PKD1: variants seen among roughly 807,000 people sequenced by gnomAD.
PKD1 encodes the protein polycystin-1.
A neutral mutation model predicts 361.7 loss-of-function variants in PKD1; 81 were observed. The ratio of observed to expected loss-of-function variants is 0.22; its 90% CI spans 0.19 to 0.27. PKD1 has a LOEUF of 0.27. Among genes scored for constraint, PKD1 ranks in the 10% least tolerant of loss-of-function variants. The pLI is 1.00. For missense variants in PKD1, 6,399 were observed against 6,118.3 expected (o/e 1.05, Z -1.53); for synonymous variants, 3,615 against 2,818.3 (o/e 1.28, Z -8.95).
chr16:2,089,916 C>T lies in PKD1; in HGVS notation c.12723G>A (p.Gln4241=). 3 of 1,611,990 alleles carry T rather than the reference C, an allele frequency of 1.9e-6. No homozygotes were observed. Among genetic ancestry groups the T allele is most frequent in the African/African-American group, 1.3e-5 (1 of 75,062 alleles). ...TGCGGCCTTGCAGGCTGTGCAGCTG[C>T]TGCTCCAGCTGGTAGACGTCCTCTG... is the stretch of plus-strand genomic sequence containing the variant. The part of the protein sequence containing the change: ...QATEDVYQLE[Q]QLHSLQGRRS... Residue 4241 remains glutamine (Q), a synonymous_variant, in exon 46 of 46, where the codon CAG becomes CAA. Coordinates refer to ENST00000262304, the MANE Select transcript of PKD1 (RefSeq NM_001009944.3).
chr16:2,127,824 T>C (rs571843174), intron 1 of PKD1, among the ~76,000 whole-genome samples: 7 of 150,004 alleles, frequency 4.7e-5, no homozygotes, highest in African/African-American at 9.8e-5. Context: ...AGGGCGCAAA[T>C]TCCCTACATC....
At chr16:2,113,885 G>C (rs970417939) in intron 11 of PKD1, 3 of 526,934 alleles carry the variant, frequency 5.7e-6, no homozygotes, top group Non-Finnish European at 3.4e-6. Flanking sequence ...GGGCGTGAGA[G>C]ACTCACGGGG....
At chr16:2,132,531 T>C (rs1343346528) in intron 1 of PKD1, among the ~76,000 whole-genome samples, 3 of 134,148 alleles carry the variant, frequency 2.2e-5, no homozygotes, top group Non-Finnish European at 3.1e-5. Context: ...GCTGAGATCA[T>C]GCCACTGCAC....
chr16:2,112,181 G>A (rs908386833), intron 14 of PKD1, among the ~76,000 whole-genome samples, 159 bp downstream of exon 14: 9 of 152,322 alleles, frequency 5.9e-5, no homozygotes, highest in Admixed American at 2.0e-4. Flanking sequence ...CCCCACGCCT[G>A]GCCCCTCCCT....
intron 1 of PKD1, among the ~76,000 whole-genome samples, chr16:2,126,821 G>A (rs1053887767): frequency 1.6e-4 from 25 of 152,262 alleles, no homozygotes; most frequent in African/African-American, 5.5e-4. Flanking sequence ...CCCACGAGCA[G>A]GGGGAGAGGC....
In PKD1 at chr16:2,102,244, C is replaced by G. The variant is rs1237165039; in HGVS notation, c.9214G>C (p.Asp3072His). 1 of 1,524,326 alleles carries G rather than the reference C, an allele frequency of 6.6e-7. No homozygotes were observed. Among genetic ancestry groups the G allele is most frequent in the South Asian group, 1.1e-5 (1 of 88,494 alleles). The allele number at this position is 1,524,326 out of a possible 1,614,324, so 94.4% of individuals were successfully genotyped here. ...GTCAGCATGACGATGTAGTTTACAT[C>G]CGCTGTCGGCTCCTGTGAGGACACA... ...VRFVFPEPTA[D>H]VNYIVMLTCA... Residue 3072 changes from aspartate (D) to histidine (H), a missense_variant, in exon 26 of 46, where the codon GAT becomes CAT. Physicochemically the swap from Asp to His is moderately conservative, Grantham distance 81. Coordinates refer to ENST00000262304, the MANE Select transcript of PKD1 (RefSeq NM_001009944.3).
In PKD1 at chr16:2,102,579, C is replaced by G. The variant is rs562222504; in HGVS notation, c.9003G>C (p.Trp3001Cys). Residue 3001 changes from tryptophan to cysteine, a missense_variant, in exon 25 of 46, where the codon TGG (tryptophan) becomes TGC (cysteine). Physicochemically the swap from Trp to Cys is radical, Grantham distance 215 (BLOSUM62 -2). Coordinates refer to ENST00000262304, the MANE Select transcript of PKD1 (RefSeq NM_001009944.3). Reference protein sequence around the residue: ...YHLNLSSHFRWSALQVSVGLY... With the variant: ...YHLNLSSHFRCSALQVSVGLY... ...GGCCCACGGACACCTGCAGCGCCGA[C>G]CAGCGGAAGTGGCTGGAGAGGTTCA... The G allele has an allele frequency of 6.2e-7, 1 of 1,611,230 alleles. No homozygotes were observed. The highest frequency in any genetic ancestry group is 2.2e-5 in the East Asian group (1 of 44,884).
Position 2,090,139 on chromosome 16 carries a change from C to T in PKD1, c.12500G>A (p.Arg4167Lys), listed in dbSNP as rs774316162. Residue 4167 changes from arginine (R) to lysine (K), a missense_variant, in exon 46 of 46, where the codon AGG becomes AAG. Arg to Lys is a conservative substitution (Grantham distance 26). Coordinates refer to ENST00000262304, the MANE Select transcript of PKD1 (RefSeq NM_001009944.3). ...GMEPLPSRSS[R>K]GSKVSPDVPP... Reference sequence around the variant, plus strand: ...CACATCCGGGGATACCTTGGAGCCCCTGGAGGAGCGAGAGGGCAGCGGCTC... The same window carrying T: ...CACATCCGGGGATACCTTGGAGCCCTTGGAGGAGCGAGAGGGCAGCGGCTC... 3 of 1,596,634 alleles carry T rather than the reference C, an allele frequency of 1.9e-6. No homozygotes were observed. In the South Asian group the frequency reaches 3.3e-5, roughly 18 times the overall value.
chr16:2,112,928 C>G lies in PKD1; in HGVS notation c.3021G>C (p.Val1007=). ...TCCGCTCCACGGTTACGTTGTAGTTCACGGTGACGTTGCTCACGTGGTTGG... is the reference window on the plus strand; with the variant it reads ...TCCGCTCCACGGTTACGTTGTAGTTGACGGTGACGTTGCTCACGTGGTTGG... ...TASNHVSNVT[V]NYNVTVERMN... The change falls in exon 13 of 46, where the codon GTG becomes GTC. Residue 1007 remains valine (V), a synonymous_variant. Coordinates refer to ENST00000262304, the MANE Select transcript of PKD1 (RefSeq NM_001009944.3). 6.2e-7 allele frequency: 1 copy of G among 1,604,332 alleles called. No homozygotes were observed. Among genetic ancestry groups the G allele is most frequent in the Non-Finnish European group, 8.5e-7 (1 of 1,179,756 alleles).
In PKD1 at chr16:2,100,421, C is replaced by G. The variant is rs2092047055; in HGVS notation, c.9543G>C (p.Lys3181Asn). The change falls in exon 27 of 46, where the codon AAG becomes AAC. Residue 3181 changes from lysine (K) to asparagine (N), a missense_variant. Physicochemically the swap from Lys to Asn is moderately conservative, Grantham distance 94. Coordinates refer to ENST00000262304, the MANE Select transcript of PKD1 (RefSeq NM_001009944.3). This position sits in a 1 kb window ranked among gnomAD's most constrained non-coding sequence, Gnocchi z 4.4. Reference protein sequence around the residue: ...ATPHSLGSVWKIRVWHDNKGL... With the variant: ...ATPHSLGSVWNIRVWHDNKGL... Reference sequence around the variant, plus strand: ...CTTTGTTGTCGTGCCACACTCGGATCTTCCACACGCTACCCAGGCTGTGCG... The same window carrying G: ...CTTTGTTGTCGTGCCACACTCGGATGTTCCACACGCTACCCAGGCTGTGCG... 1 of 1,611,282 alleles carries G rather than the reference C, an allele frequency of 6.2e-7. No homozygotes were observed.
chr16:2,100,275 G>T lies in PKD1; in HGVS notation c.9603C>A (p.Ile3201=), dbSNP rs773830030. 53 of 1,610,684 alleles carry T rather than the reference G, an allele frequency of 3.3e-5. No homozygotes were observed. The South Asian group carries it at 5.7e-4, about 17-fold the overall frequency. Residue 3201 remains isoleucine, a synonymous_variant, in exon 28 of 46, where the codon ATC becomes ATA. Coordinates refer to ENST00000262304, the MANE Select transcript of PKD1 (RefSeq NM_001009944.3). The surrounding 1 kb of genome is among the most constrained non-coding windows in gnomAD (Gnocchi z 4.4). ...TGCGTGCCGTCTGCAGGTCCCTGAC[G>T]ATGACGTGCTGCAGGAACCAGGCAG... The part of the protein sequence containing the change: ...LSPAWFLQHV[I]VRDLQTARSA...
rs2369068 is a variant in PKD1 at position 2,112,886 on chromosome 16, A to G, written c.3063T>C (p.Gly1021=). The G allele has an allele frequency of 0.11, 177,669 of 1,606,556 alleles. 15,703 individuals are homozygous for G. The highest frequency in any genetic ancestry group is 0.47 in the African/African-American group (34,781 of 74,784). ...CGGCCGGCACTGTGGAGACCTGCAGACCCTGCATCCTGTTCATCCGCTCCA... is the reference window on the plus strand; with the variant it reads ...CGGCCGGCACTGTGGAGACCTGCAGGCCCTGCATCCTGTTCATCCGCTCCA... ...VTVERMNRMQ[G]LQVSTVPAVL... The change falls in exon 13 of 46, where the codon GGT becomes GGC. Residue 1021 remains glycine, a synonymous_variant. Coordinates refer to ENST00000262304, the MANE Select transcript of PKD1 (RefSeq NM_001009944.3).
At position 2,111,287 on chromosome 16, in the gene PKD1, G is replaced by A; in HGVS notation, c.3880C>T (p.Leu1294=). 5 of 1,609,522 alleles carry A rather than the reference G, an allele frequency of 3.1e-6. No individual in the cohort carries two copies. The highest frequency in any genetic ancestry group is 1.7e-5 in the Admixed American group (1 of 59,970). The part of the protein sequence containing the change: ...ARSLHVLVFV[L]EVLRVEPAAC... ...GCGGGTTCAACGCGCAGCACCTCCA[G>A]GACGAAGACCAGCACGTGCAGGCTC... Residue 1294 remains leucine (L), a synonymous_variant, in exon 15 of 46, where the codon CTG becomes TTG. Transcript: ENST00000262304.
intron 41 of PKD1, 36 bp downstream of exon 41, chr16:2,091,745 G>C (rs759434553): frequency 1.2e-6 from 2 of 1,605,952 alleles, no homozygotes; most frequent in African/African-American, 1.3e-5. Flanking sequence ...TGGTGACTGC[G>C]GCCACCCCGG....
rs1485507155 is a variant in PKD1, at chr16:2,093,019, G to A, written c.11091C>T (p.His3697=). The A allele has an allele frequency of 7.4e-6, 12 of 1,612,762 alleles. No individual in the cohort carries two copies. Among genetic ancestry groups the A allele is most frequent in the African/African-American group, 1.3e-5 (1 of 74,916 alleles). Residue 3697 remains histidine, a synonymous_variant, in exon 38 of 46, where the codon CAC becomes CAT. Coordinates refer to ENST00000262304, the MANE Select transcript of PKD1 (RefSeq NM_001009944.3). Reference sequence around the variant, plus strand: ...TGATGGCGCTTTGCAGACGGTAGGCGTGCCCATGGCATGAGGCATCCCCAT... The same window carrying A: ...TGATGGCGCTTTGCAGACGGTAGGCATGCCCATGGCATGAGGCATCCCCAT... ...ASYGDASCHG[H]AYRLQSAIKQ...
At position 2,089,427 on chromosome 16, in the gene PKD1, G is replaced by C; in HGVS notation, c.*300C>G. On this transcript the variant is annotated 3_prime_UTR_variant, in exon 46 of 46. Transcript: ENST00000262304. ...TGGGGGACATCTGCCCAGGGGGTGG[G>C]GCCGGGCACAGCCCGCTGTACCTGA... The C allele has an allele frequency of 2.1e-6, 1 of 477,892 alleles. No individual in the cohort carries two copies. The highest frequency in any genetic ancestry group is 2.6e-5 in the South Asian group (1 of 39,202). 29.6% of individuals were successfully genotyped at this position (477,892 alleles called of 1,614,324 possible). A position where few individuals can be genotyped will look rare whatever the true frequency, so the allele number is the denominator to read the frequency against.
chr16:2,122,512 G>A (rs1302366334), intron 1 of PKD1, among the ~76,000 whole-genome samples: 1 of 152,222 alleles, frequency 6.6e-6, no homozygotes, highest in Non-Finnish European at 1.5e-5. Flanking sequence ...AGGATGGGTG[G>A]GCCCACAGCC....
chr16:2,094,940 C>T (rs1205545454), intron 34 of PKD1: 1 of 152,454 alleles, frequency 6.6e-6, no homozygotes, highest in East Asian at 1.9e-4. Flanking sequence ...CAGGGTCACA[C>T]TGCACTGAAT....
chr16:2,104,531 T>G lies in PKD1; in HGVS notation c.8128A>C (p.Thr2710Pro), dbSNP rs1255034338. ...TTGAGGATGCTGTCTCCGATGGCGG[T>G]GGGCGTCACGGTGCCCGCGGTGGTC... is the stretch of plus-strand genomic sequence containing the variant. ...AETTAGTVTP[T>P]AIGDSILNIT... The change falls in exon 22 of 46, where the codon ACC becomes CCC. Residue 2710 changes from threonine (T) to proline (P), a missense_variant. Transcript: ENST00000262304. The G allele has an allele frequency of 6.4e-7, 1 of 1,568,170 alleles. No individual in the cohort carries two copies. Among genetic ancestry groups the G allele is most frequent in the Non-Finnish European group, 8.6e-7 (1 of 1,156,394 alleles).
Sources: allele counts gnomAD v4.1 joint callset (sites outside exome capture counted in the v4.1 genomes callset), GRCh38; gene constraint gnomAD v4.1.1; non-coding constraint Gnocchi (gnomAD v3.1); transcripts MANE v1.5; gene names NCBI Gene and HGNC (gene_info 2026-07-23, HGNC 2026-07-21).